The following AUTS2 variants were observed in gnomAD, a reference collection of about 807,000 sequenced individuals.
AUTS2 encodes the protein activator of transcription and developmental regulator AUTS2, also known as autism susceptibility gene 2 protein.
A neutral mutation model predicts 112.4 loss-of-function variants in AUTS2; 17 were observed. That is an observed-to-expected ratio of 0.15 (90% CI 0.10 to 0.23). The LOEUF (loss-of-function observed/expected upper bound fraction) is 0.23, where lower values mean the gene tolerates loss of function less well. AUTS2 is among the 10% of genes least tolerant of loss of function. The pLI is 1.00. For missense variants in AUTS2, 1,510 were observed against 1,701.6 expected (o/e 0.89, Z 1.98); for synonymous variants, 751 against 702.7 (o/e 1.07, Z -1.09).
chr7:70,051,424 T>A (rs895671102), intron 2 of AUTS2, among the ~76,000 whole-genome samples: 1 of 152,100 alleles, frequency 6.6e-6, no homozygotes, highest in Non-Finnish European at 1.5e-5. Flanking sequence ...AACTTAAAAA[T>A]TCACTTGTGG....
intron 2 of AUTS2, among the ~76,000 whole-genome samples, chr7:69,955,621 A>G (rs1797181406): frequency 6.6e-6 from 1 of 152,180 alleles, no homozygotes; most frequent in Admixed American, 6.6e-5. Flanking sequence ...TGCAAACAGC[A>G]TGCAGTTTAT....
intron 2 of AUTS2, among the ~76,000 whole-genome samples, chr7:70,027,984 C>T (rs1800597217): frequency 6.6e-6 from 1 of 152,090 alleles, no homozygotes; most frequent in East Asian, 1.9e-4. Flanking sequence ...GTCATAATGT[C>T]CTTTTGTGGC....
At chr7:69,882,309 A>G (rs1246249984) in intron 1 of AUTS2, among the ~76,000 whole-genome samples, 1 of 152,144 alleles carries the variant, frequency 6.6e-6, no homozygotes, top group African/African-American at 2.4e-5. Flanking sequence ...CCCCATCTCA[A>G]TGTAATAAAT....
intron 5 of AUTS2, among the ~76,000 whole-genome samples, chr7:70,537,662 G>A (rs768042738): frequency 2.0e-5 from 3 of 152,170 alleles, no homozygotes; most frequent in Non-Finnish European, 4.4e-5. Context: ...GAGAAGTAGC[G>A]TGTGGTGTGG....
intron 2 of AUTS2, among the ~76,000 whole-genome samples, chr7:69,911,360 A>T (rs1359363584): frequency 6.6e-6 from 1 of 152,162 alleles, no homozygotes; most frequent in Non-Finnish European, 1.5e-5. Flanking sequence ...GGGAGCCCCT[A>T]GGTCTGGGCT....
intron 2 of AUTS2, among the ~76,000 whole-genome samples, chr7:70,039,099 C>T (rs1192228921): frequency 6.6e-6 from 1 of 151,878 alleles, no homozygotes; most frequent in African/African-American, 2.4e-5. Context: ...GACCCACAAA[C>T]CTTACAATTA....
chr7:69,650,007 C>G (rs140720978), intron 1 of AUTS2, among the ~76,000 whole-genome samples: 1 of 152,184 alleles, frequency 6.6e-6, no homozygotes, highest in Non-Finnish European at 1.5e-5. Context: ...TTTTAGCCAT[C>G]CAAACTGGGC....
intron 6 of AUTS2, among the ~76,000 whole-genome samples, chr7:70,734,390 A>G (rs1787654664): frequency 6.6e-6 from 1 of 152,078 alleles, no homozygotes; most frequent in South Asian, 2.1e-4. Flanking sequence ...CAGTGAGCCA[A>G]GATCGCGCCA....
chr7:69,801,889 T>TGTG (rs1271486880), intron 1 of AUTS2, among the ~76,000 whole-genome samples: 10 of 152,106 alleles, frequency 6.6e-5, no homozygotes, highest in African/African-American at 2.4e-4. Flanking sequence ...CAGGAAATGA[T>TGTG]GTGATGTGTG....
intron 2 of AUTS2, among the ~76,000 whole-genome samples, chr7:70,004,259 A>AAT (rs1399794760): frequency 4.0e-4 from 52 of 131,520 alleles, no homozygotes; most frequent in South Asian, 7.1e-4. Flanking sequence ...GTTATATGTG[A>AAT]ATATATTATA....
At chr7:70,007,999 A>G (rs1260369259) in intron 2 of AUTS2, among the ~76,000 whole-genome samples, 33 of 152,002 alleles carry the variant, frequency 2.2e-4, no homozygotes, top group Admixed American at 2.2e-3. Context: ...TCCATGTGTT[A>G]TTGATCATTT....
At chr7:70,675,101 C>G (rs1229240505) in intron 5 of AUTS2, among the ~76,000 whole-genome samples, 2 of 152,128 alleles carry the variant, frequency 1.3e-5, no homozygotes, top group African/African-American at 2.4e-5. Flanking sequence ...AATCCTCCCC[C>G]CCCTCAACTC....
chr7:69,827,097 C>T (rs867666977), intron 1 of AUTS2, among the ~76,000 whole-genome samples: 1 of 152,088 alleles, frequency 6.6e-6, no homozygotes, highest in Non-Finnish European at 1.5e-5. Context: ...TTTCCTTGGG[C>T]CCCAGAACTA....
intron 4 of AUTS2, among the ~76,000 whole-genome samples, chr7:70,362,793 A>T (rs960954234): frequency 6.6e-6 from 1 of 152,074 alleles, no homozygotes; most frequent in Non-Finnish European, 1.5e-5. Context: ...TGCTTTAAAC[A>T]TTTTTTCAAC....
In AUTS2 at chr7:70,617,524, G is replaced by A. The variant is rs558070123; in HGVS notation, c.691-81045G>A. On this transcript the variant is annotated intron_variant, in intron 5 of 18. Transcript: ENST00000342771. ...AAAAATACAAAAAAATTAGCTGGGC[G>A]TGGTGGCGGGCGCCTGTAGTCCCAG... Among the ~76,000 whole-genome samples, 78 of 152,238 alleles carry A rather than the reference G, an allele frequency of 5.1e-4. 1 individual carries two copies. Among genetic ancestry groups the A allele is most frequent in the African/African-American group, 1.7e-3 (70 of 41,556 alleles).
At chr7:69,964,112 G>A (rs1399960228) in intron 2 of AUTS2, among the ~76,000 whole-genome samples, 1 of 152,034 alleles carries the variant, frequency 6.6e-6, no homozygotes, top group Non-Finnish European at 1.5e-5. Flanking sequence ...AATTCCTACT[G>A]TTCCACTATC....
chr7:69,986,613 A>G (rs960109918), intron 2 of AUTS2, among the ~76,000 whole-genome samples: 9 of 152,226 alleles, frequency 5.9e-5, no homozygotes, highest in African/African-American at 1.7e-4. Flanking sequence ...TACTCCTTGA[A>G]TAAGACAGTG....
rs112680749 is a variant in AUTS2, at chr7:70,105,405, A to G, written c.523-12727A>G. Among the ~76,000 whole-genome samples, 651 of 152,226 alleles carry G rather than the reference A, an allele frequency of 4.3e-3. 4 individuals are homozygous for G. The highest frequency in any genetic ancestry group is 7.3e-3 in the Non-Finnish European group (498 of 67,996). ...CTCCTGAGTAACTGGGACTACAGGCATATGCCACAATGCCTGGCAGTATTT... is the reference window on the plus strand; with the variant it reads ...CTCCTGAGTAACTGGGACTACAGGCGTATGCCACAATGCCTGGCAGTATTT... On this transcript the variant is annotated intron_variant, in intron 2 of 18. Transcript: ENST00000342771.
intron 2 of AUTS2, among the ~76,000 whole-genome samples, chr7:70,058,239 A>G (rs918313839): frequency 6.6e-6 from 1 of 152,202 alleles, no homozygotes; most frequent in African/African-American, 2.4e-5. Flanking sequence ...CTGGACATTC[A>G]GTTAAATATC....
Sources: gnomAD v4.1 joint callset for allele counts (sites outside exome capture counted in the v4.1 genomes callset) on GRCh38, gnomAD v4.1.1 for gene constraint, MANE v1.5 for transcripts, NCBI Gene and HGNC (gene_info 2026-07-23, HGNC 2026-07-21) for gene names.